Variants in EXOC4 observed in about 807,000 individuals in gnomAD.
EXOC4 encodes SEC8-like 1.
In EXOC4, 71 loss-of-function variants were observed where a neutral mutation model predicts 107.2. The ratio of observed to expected loss-of-function variants is 0.66; its 90% confidence interval spans 0.55 to 0.81. The LOEUF is 0.81. Ranked by LOEUF, EXOC4 falls within the 30% of genes least tolerant of loss-of-function variation. The pLI, the probability that EXOC4 is intolerant of heterozygous loss-of-function variation, is 0.00. For missense variants in EXOC4, 1,108 were observed against 1,189.6 expected, an observed-to-expected ratio of 0.93 and a Z score of 1.01; for synonymous variants, 456 against 441.2, an observed-to-expected ratio of 1.03 and a Z score of -0.42.
At chr7:134,027,484 C>T (rs888217447) in intron 17 of EXOC4, among the ~76,000 whole-genome samples, 4 of 151,918 alleles carry the variant, frequency 2.6e-5, no homozygotes, top group Non-Finnish European at 5.9e-5. Context: ...ATGGTGGAAC[C>T]CTGTCTCTAC....
At chr7:133,993,948 A>C (rs1794319987) in intron 14 of EXOC4, among the ~76,000 whole-genome samples, 1 of 152,258 alleles carries the variant, frequency 6.6e-6, no homozygotes, top group Non-Finnish European at 1.5e-5. Context: ...ACAAATATTT[A>C]GCCTTCCAGA....
chr7:133,939,266 C>T lies in EXOC4; in HGVS notation c.2206+1197C>T, dbSNP rs75525578. On this transcript the variant is annotated intron_variant, in intron 14 of 17. Transcript: ENST00000253861. ...GAGAAGGTATTATTACTTGATTAAC[C>T]ATGTTTCCAGCCTAGAGATGGAAAG... 4.1e-3 allele frequency among the ~76,000 whole-genome samples: 619 copies of T among 152,036 alleles called. 5 individuals are homozygous for T. Among genetic ancestry groups the T allele is most frequent in the African/African-American group, 0.014 (595 of 41,462 alleles).
At chr7:133,578,571 T>G (rs1277726654) in intron 9 of EXOC4, among the ~76,000 whole-genome samples, 1 of 152,208 alleles carries the variant, frequency 6.6e-6, no homozygotes, top group Non-Finnish European at 1.5e-5. Context: ...AGCAGGTTAT[T>G]TGTACAGCTG....
intron 7 of EXOC4, among the ~76,000 whole-genome samples, chr7:133,459,129 A>G (rs1021281690): frequency 1.3e-5 from 2 of 152,226 alleles, no homozygotes; most frequent in Non-Finnish European, 2.9e-5. Flanking sequence ...CATGAGGTAC[A>G]TGAATTGTAT....
At chr7:133,363,954 A>G (rs1446147858) in intron 6 of EXOC4, among the ~76,000 whole-genome samples, 1 of 152,140 alleles carries the variant, frequency 6.6e-6, no homozygotes, top group Non-Finnish European at 1.5e-5. Context: ...GGTGTCATAT[A>G]TGATTAAAGC....
chr7:133,591,569 C>CATGT (rs973710347), intron 9 of EXOC4, among the ~76,000 whole-genome samples: 12 of 14,594 alleles, frequency 8.2e-4, no homozygotes, highest in Admixed American at 1.1e-3. Context: ...TGTGTGTGTG[C>CATGT]GTGTGTGTGT....
At chr7:133,459,807 T>C (rs1798546682) in intron 7 of EXOC4, among the ~76,000 whole-genome samples, 1 of 152,204 alleles carries the variant, frequency 6.6e-6, no homozygotes, top group South Asian at 2.1e-4. Context: ...AATAATGAAA[T>C]GATAAATCAA....
At chr7:133,732,821 TA>T in intron 10 of EXOC4, 1 of 168,612 alleles carries the variant, frequency 5.9e-6, no homozygotes, top group Admixed American at 6.2e-5. Context: ...GTGCTGAGCA[TA>T]AGAAGTCTTT....
intron 15 of EXOC4, among the ~76,000 whole-genome samples, chr7:133,998,387 C>G (rs963353393): frequency 6.6e-6 from 1 of 152,122 alleles, no homozygotes; most frequent in Non-Finnish European, 1.5e-5. Context: ...GAATGGGATT[C>G]TTTTCTTTAA....
intron 17 of EXOC4, among the ~76,000 whole-genome samples, chr7:134,056,528 G>A (rs1366367874): frequency 1.3e-5 from 2 of 152,204 alleles, no homozygotes; most frequent in Non-Finnish European, 2.9e-5. Flanking sequence ...ATGGGAGAAG[G>A]AGTTGAGCAG....
chr7:133,850,517 G>A (rs1258759638), intron 11 of EXOC4, among the ~76,000 whole-genome samples: 1 of 151,452 alleles, frequency 6.6e-6, no homozygotes, highest in Non-Finnish European at 1.5e-5. Context: ...TTTTTTCCAC[G>A]AGAATGTCAC....
chr7:133,999,793 G>A (rs1015955246), intron 15 of EXOC4, among the ~76,000 whole-genome samples: 1 of 152,106 alleles, frequency 6.6e-6, no homozygotes, highest in African/African-American at 2.4e-5. Flanking sequence ...TTAATTCCAA[G>A]TGGGATATTT....
In EXOC4 at chr7:134,064,865, C is replaced by A. The variant is rs114654235; in HGVS notation, c.*337C>A. 1.7e-3 allele frequency: 277 copies of A among 159,786 alleles called. 3 individuals carry two copies. The highest frequency in any genetic ancestry group is 6.1e-3 in the African/African-American group (256 of 41,810). 9.9% of individuals were successfully genotyped at this position (159,786 alleles called of 1,614,324 possible). ...TTATTACTCAATATATATATAATTC[C>A]AGCCTTGGAAAGTAGGAAAGTAGGC... On this transcript the variant is annotated 3_prime_UTR_variant, in exon 18 of 18. Coordinates refer to ENST00000253861, the MANE Select transcript of EXOC4 (RefSeq NM_021807.4).
At chr7:133,716,848 G>A (rs1337209621) in intron 10 of EXOC4, among the ~76,000 whole-genome samples, 2 of 152,036 alleles carry the variant, frequency 1.3e-5, no homozygotes, top group Admixed American at 6.6e-5. Flanking sequence ...TCTGAGGCAG[G>A]GAAATCACTA....
Position 134,007,363 on chromosome 7 carries a change from A to G in EXOC4, c.2528-313A>G, listed in dbSNP as rs150604841. ...AGCGGGATTTCCTGTGTACTTCAAC[A>G]GTTTATAATAACCTGGCCTCTTCTC... On this transcript the variant is annotated intron_variant, in intron 16 of 17. Coordinates refer to ENST00000253861, the MANE Select transcript of EXOC4 (RefSeq NM_021807.4). 1.6e-3 allele frequency among the ~76,000 whole-genome samples: 246 copies of G among 152,276 alleles called. 1 individual carries two copies. The highest frequency in any genetic ancestry group is 2.9e-3 in the Non-Finnish European group (197 of 68,020).
At chr7:133,840,665 T>C (rs956122110) in intron 11 of EXOC4, among the ~76,000 whole-genome samples, 1 of 152,040 alleles carries the variant, frequency 6.6e-6, no homozygotes, top group Admixed American at 6.6e-5. Flanking sequence ...GTATTTTTAG[T>C]AGAGACGGAG....
intron 7 of EXOC4, among the ~76,000 whole-genome samples, chr7:133,402,185 C>T (rs1331960186): frequency 1.3e-5 from 2 of 152,126 alleles, no homozygotes; most frequent in African/African-American, 4.8e-5. Flanking sequence ...ATTAGTTTGC[C>T]TAAGTATTCA....
chr7:133,641,247 T>G (rs1802847915), intron 10 of EXOC4, among the ~76,000 whole-genome samples: 1 of 152,166 alleles, frequency 6.6e-6, no homozygotes, highest in South Asian at 2.1e-4. Flanking sequence ...TAACAGGCAG[T>G]CACTAAAAAT....
intron 11 of EXOC4, among the ~76,000 whole-genome samples, chr7:133,882,904 CTTTAAATTT>C (rs2116455642): frequency 6.6e-6 from 1 of 152,250 alleles, no homozygotes; most frequent in African/African-American, 2.4e-5. Context: ...ACGGACATAA[CTTTAAATTT>C]TTTTCTTTTG....
Sources: gnomAD v4.1 joint callset for allele counts (sites outside exome capture counted in the v4.1 genomes callset) on GRCh38, gnomAD v4.1.1 for gene constraint, MANE v1.5 for transcripts, NCBI Gene and HGNC (gene_info 2026-07-23, HGNC 2026-07-21) for gene names.